Variants in ZNF469 observed in about 807,000 individuals in gnomAD.
ZNF469 encodes zinc finger protein 469.
Under a neutral mutation model 1.0 loss-of-function variants are expected in ZNF469, and 1 was observed. The ratio of observed to expected loss-of-function variants is 1.00; its 90% CI spans 0.35 to 4.73. ZNF469 has a LOEUF of 4.73. Among genes scored for constraint, ZNF469 ranks in the 30% most tolerant of loss-of-function variants. The pLI, the probability that ZNF469 is intolerant of heterozygous loss-of-function variation, is 0.16. For synonymous variants in ZNF469, 2,703 were observed against 2,363.4 expected (o/e 1.14, Z -4.17); for missense variants, 6,100 against 5,356.3 (o/e 1.14, Z -4.33).
At chr16:88,287,727 T>C in the ZNF469 span, among the ~76,000 whole-genome samples, 5 of 152,184 alleles carry the variant, frequency 3.3e-5, no homozygotes, top group Non-Finnish European at 7.3e-5. Flanking sequence ...TGAATGCTGG[T>C]GTGACGCTAC....
At chr16:88,101,932 C>T in the ZNF469 span, among the ~76,000 whole-genome samples, 9 of 152,244 alleles carry the variant, frequency 5.9e-5, no homozygotes, top group South Asian at 6.2e-4. Flanking sequence ...GTCTTGGCTC[C>T]GTCAGGATCC....
chr16:88,111,233 G>T, the ZNF469 span, among the ~76,000 whole-genome samples: 1 of 152,198 alleles, frequency 6.6e-6, no homozygotes, highest in African/African-American at 2.4e-5. Context: ...TGGCCAGTCT[G>T]CAATGGGCTG....
At chr16:88,119,873 A>C in the ZNF469 span, among the ~76,000 whole-genome samples, 1 of 152,198 alleles carries the variant, frequency 6.6e-6, no homozygotes, top group South Asian at 2.1e-4. Flanking sequence ...TGTCCTGCCC[A>C]CTGCTTGGGA....
At position 88,431,912 on chromosome 16, in the gene ZNF469, C is replaced by T. The variant is rs984670601; in HGVS notation, c.4442C>T (p.Pro1481Leu). ...SLSANRDSGL[P>L]FACADPPQKT... is the part of the protein sequence containing the mutation. ...TCTGCGAACAGGGACTCCGGTCTGCCGTTCGCATGTGCCGACCCTCCCCAG... is the reference window on the plus strand; with the variant it reads ...TCTGCGAACAGGGACTCCGGTCTGCTGTTCGCATGTGCCGACCCTCCCCAG... Residue 1481 changes from proline (P) to leucine (L), a missense_variant, in exon 3 of 3, where the codon CCG (proline) becomes CTG (leucine). Transcript: ENST00000565624. The T allele has an allele frequency of 9.0e-6, 14 of 1,549,584 alleles. No homozygotes were observed. The highest frequency in any genetic ancestry group is 2.7e-5 in the African/African-American group (2 of 73,026).
chr16:88,430,494 C>G lies in ZNF469; in HGVS notation c.3024C>G (p.Pro1008=). The change falls in exon 3 of 3, where the codon CCC becomes CCG. Residue 1008 remains proline (P), a synonymous_variant. Transcript: ENST00000565624. ...RTQAPGSRAD[P]APRVPRAAAL... ...AGGCCCCCGGGAGCCGCGCAGACCC[C>G]GCGCCCCGGGTCCCGAGAGCCGCCG... The G allele has an allele frequency of 7.0e-7, 1 of 1,420,446 alleles. No individual in the cohort carries two copies. Among genetic ancestry groups the G allele is most frequent in the South Asian group, 1.5e-5 (1 of 65,806 alleles). 88.0% of individuals were successfully genotyped at this position (1,420,446 alleles called of 1,614,324 possible).
the ZNF469 span, among the ~76,000 whole-genome samples, chr16:88,208,799 ACACACTCTCTCTCTCT>A: frequency 0.02 from 474 of 23,784 alleles, 4 homozygotes; most frequent in African/African-American, 0.036. Flanking sequence ...ACACACACAC[ACACACTCTCTCTCTCT>A]CTCTCTCTCT....
chr16:88,231,537 C>T, the ZNF469 span, among the ~76,000 whole-genome samples: 2 of 152,130 alleles, frequency 1.3e-5, no homozygotes, highest in African/African-American at 2.4e-5. The surrounding 1 kb of genome is among the most constrained non-coding windows in gnomAD (Gnocchi z 4.5). Context: ...GTGTGAGGGC[C>T]GGTTCCTCCT....
the ZNF469 span, among the ~76,000 whole-genome samples, chr16:88,161,872 CA>C: frequency 6.6e-6 from 1 of 152,144 alleles, no homozygotes; most frequent in Admixed American, 6.5e-5. Flanking sequence ...TGCACTTGGG[CA>C]AGAGTCTTCT....
Position 88,430,332 on chromosome 16 carries a change from C to A in ZNF469, c.2862C>A (p.Phe954Leu). 2.0e-6 allele frequency: 3 copies of A among 1,514,790 alleles called. No homozygotes were observed. Among genetic ancestry groups the A allele is most frequent in the Non-Finnish European group, 1.8e-6 (2 of 1,135,500 alleles). 93.8% of individuals were successfully genotyped at this position (1,514,790 alleles called of 1,614,324 possible). ...QQRRGKQLKL[F>L]RKDLDSGGAA... ...GGAGGGGGAAGCAGTTGAAGCTGTT[C>A]CGGAAGGATCTGGACTCGGGCGGCG... Residue 954 changes from phenylalanine (F) to leucine (L), a missense_variant, in exon 3 of 3, where the codon TTC becomes TTA. Transcript: ENST00000565624.
the ZNF469 span, among the ~76,000 whole-genome samples, chr16:88,186,797 G>A: frequency 5.3e-5 from 8 of 152,208 alleles, no homozygotes; most frequent in African/African-American, 9.6e-5. Flanking sequence ...GGAGGGCTCC[G>A]GCATCCAGGG....
chr16:88,315,973 C>G, the ZNF469 span, among the ~76,000 whole-genome samples: 1 of 152,218 alleles, frequency 6.6e-6, no homozygotes, highest in African/African-American at 2.4e-5. Flanking sequence ...CCACCCCCGG[C>G]GCCTGCACCA....
the ZNF469 span, among the ~76,000 whole-genome samples, chr16:88,113,634 C>T: frequency 6.6e-6 from 1 of 152,220 alleles, no homozygotes; most frequent in Non-Finnish European, 1.5e-5. Flanking sequence ...GTGGTGAAGG[C>T]ACAAAGGCTC....
the ZNF469 span, among the ~76,000 whole-genome samples, chr16:88,141,308 T>A: frequency 6.6e-6 from 1 of 152,106 alleles, no homozygotes; most frequent in Non-Finnish European, 1.5e-5. Flanking sequence ...CCAAAACCAG[T>A]GTTAGAAGAC....
the ZNF469 span, among the ~76,000 whole-genome samples, chr16:88,160,376 G>A: frequency 6.6e-5 from 10 of 152,166 alleles, no homozygotes; most frequent in Admixed American, 3.3e-4. Flanking sequence ...TGTTAGGGCC[G>A]GCATCTGTCC....
chr16:88,428,427 C>T lies in ZNF469; in HGVS notation c.957C>T (p.Gly319=), dbSNP rs1487828965. 2.6e-6 allele frequency: 4 copies of T among 1,548,050 alleles called. No homozygotes were observed. Among genetic ancestry groups the T allele is most frequent in the Non-Finnish European group, 3.5e-6 (4 of 1,146,810 alleles). The change falls in exon 3 of 3, where the codon GGC becomes GGT. Residue 319 remains glycine (G), a synonymous_variant. Coordinates refer to ENST00000565624, the MANE Select transcript of ZNF469 (RefSeq NM_001367624.2). ...PQGAWPEEAV[G]TGPAYPLPTQ... is the part of the protein sequence containing the mutation. Reference sequence around the variant, plus strand: ...GAGCGTGGCCGGAGGAGGCCGTGGGCACGGGCCCTGCCTACCCGCTGCCCA... The same window carrying T: ...GAGCGTGGCCGGAGGAGGCCGTGGGTACGGGCCCTGCCTACCCGCTGCCCA...
chr16:88,159,077 G>A, the ZNF469 span, among the ~76,000 whole-genome samples: 1 of 151,272 alleles, frequency 6.6e-6, no homozygotes, highest in Non-Finnish European at 1.5e-5. Context: ...TGGCTGTATG[G>A]ACCACTCTCA....
chr16:88,397,655 G>GAT (rs1904727347), intron 1 of ZNF469, among the ~76,000 whole-genome samples: 74 of 134,734 alleles, frequency 5.5e-4, no homozygotes, highest in South Asian at 9.7e-4. Flanking sequence ...ATATAAATAA[G>GAT]AGATAGATAG....
chr16:88,381,347 C>T (rs1435683178), upstream of ZNF469, among the ~76,000 whole-genome samples: 7 of 142,764 alleles, frequency 4.9e-5, no homozygotes, highest in East Asian at 3.9e-4. Flanking sequence ...CACACAGACA[C>T]ACACTTATAC....
chr16:88,218,650 C>T, the ZNF469 span, among the ~76,000 whole-genome samples: 1 of 149,656 alleles, frequency 6.7e-6, no homozygotes, highest in African/African-American at 2.4e-5. Flanking sequence ...GACAAACCCA[C>T]AGCCAATATC....
Sources: allele counts gnomAD v4.1 joint callset (sites outside exome capture counted in the v4.1 genomes callset), GRCh38; gene constraint gnomAD v4.1.1; non-coding constraint Gnocchi (gnomAD v3.1); transcripts MANE v1.5; gene names NCBI Gene and HGNC (gene_info 2026-07-23, HGNC 2026-07-21).